Variants in GLI3 observed in about 807,000 individuals in gnomAD.
GLI3 encodes the protein transcription activator GLI3.
GLI3 carries 20 observed loss-of-function variants against 100.8 expected under a neutral mutation model. The ratio of observed to expected loss-of-function variants is 0.20; its 90% confidence interval spans 0.14 to 0.29. The LOEUF (loss-of-function observed/expected upper bound fraction) is 0.29, where lower values mean the gene tolerates loss of function less well. Among genes scored for constraint, GLI3 ranks in the 10% least tolerant of loss-of-function variants. The pLI, the probability that GLI3 is intolerant of heterozygous loss-of-function variation, is 1.00. For missense variants in GLI3, 2,040 were observed against 2,128.5 expected, an observed-to-expected ratio of 0.96 and a Z score of 0.82; for synonymous variants, 938 against 860.5, an observed-to-expected ratio of 1.09 and a Z score of -1.58.
upstream of GLI3, among the ~76,000 whole-genome samples, chr7:42,237,432 C>G (rs914787971): frequency 3.9e-5 from 6 of 152,126 alleles, no homozygotes; most frequent in Non-Finnish European, 8.8e-5. Flanking sequence ...GGTCCCATCC[C>G]GGCCTGGTGC....
At chr7:42,159,844 A>G (rs558413785) in intron 2 of GLI3, among the ~76,000 whole-genome samples, 16 of 152,336 alleles carry the variant, frequency 1.1e-4, no homozygotes, top group African/African-American at 3.8e-4. Flanking sequence ...TCATAACACA[A>G]ACCTCCACTT....
Position 41,966,016 on chromosome 7 carries a change from A to G in GLI3, c.3057T>C (p.Pro1019=). ...TGAGGCTGCTGAAGCGCGGCACACG[A>G]GGCAGGGCCAGGCCCTCGGAGCCTG... ...VRTGSEGLAL[P]RVPRFSSLSS... Residue 1019 remains proline, a synonymous_variant, in exon 15 of 15, where the codon CCT becomes CCC. Transcript: ENST00000395925. This position sits in a 1 kb window ranked among gnomAD's most constrained non-coding sequence, Gnocchi z 5.8. 1.3e-6 allele frequency: 2 copies of G among 1,596,736 alleles called. No homozygotes were observed. The highest frequency in any genetic ancestry group is 1.7e-6 in the Non-Finnish European group (2 of 1,177,634).
At chr7:42,053,230 C>T (rs1218895341) in intron 4 of GLI3, among the ~76,000 whole-genome samples, 1 of 152,212 alleles carries the variant, frequency 6.6e-6, no homozygotes, top group Non-Finnish European at 1.5e-5. Flanking sequence ...CTCCTGATCT[C>T]AGATGATCCG....
intron 3 of GLI3, among the ~76,000 whole-genome samples, chr7:42,101,773 T>G (rs991148992): frequency 3.3e-5 from 5 of 149,688 alleles, no homozygotes; most frequent in African/African-American, 1.3e-4. Context: ...ACCATGCTGG[T>G]GTGCTGCACC....
chr7:42,206,698 CTCTGTGTATA>C (rs1440384715), intron 2 of GLI3, among the ~76,000 whole-genome samples: 1 of 152,156 alleles, frequency 6.6e-6, no homozygotes, highest in Non-Finnish European at 1.5e-5. Context: ...ATAAAATGTA[CTCTGTGTATA>C]ACATCTGAAA....
chr7:42,075,978 AGAATAAAGGGT>A (rs1417586046), intron 4 of GLI3, among the ~76,000 whole-genome samples: 23 of 152,228 alleles, frequency 1.5e-4, no homozygotes, highest in Non-Finnish European at 2.6e-4. Context: ...TTACTGTCTC[AGAATAAAGGGT>A]GATTATTAGA....
chr7:42,045,289 G>C lies in GLI3; in HGVS notation c.826+95C>G, dbSNP rs953043710. On this transcript the variant is annotated intron_variant, in intron 6 of 14. Coordinates refer to ENST00000395925, the MANE Select transcript of GLI3 (RefSeq NM_000168.6). The stretch of plus-strand genomic sequence containing the variant: ...TCCACTTTCTCCTCCAGATCAAAAA[G>C]TTACACAATCACCTAATCTTTGTAT... 7 of 1,228,328 alleles carry C rather than the reference G, an allele frequency of 5.7e-6. No individual in the cohort carries two copies. The African/African-American group carries it at 1.0e-4, about 18-fold the overall frequency. 76.1% of individuals were successfully genotyped at this position (1,228,328 alleles called of 1,614,324 possible). A position where few individuals can be genotyped will look rare whatever the true frequency, so the allele number is the denominator to read the frequency against.
intron 2 of GLI3, among the ~76,000 whole-genome samples, chr7:42,156,079 A>G (rs1459923683): frequency 1.3e-5 from 2 of 152,170 alleles, no homozygotes; most frequent in Non-Finnish European, 2.9e-5. Context: ...GCAAGCACAA[A>G]CCCAAGGGTA....
In GLI3 at chr7:41,965,772, T is replaced by C. The variant is rs375942559; in HGVS notation, c.3301A>G (p.Asn1101Asp). Residue 1101 changes from asparagine to aspartate, a missense_variant, in exon 15 of 15, where the codon AAT becomes GAT. By Grantham distance (23) the Asn-to-Asp change is conservative. This residue lies in a region of GLI3 where 1,041 missense variants were observed against 924.0 expected (regional missense o/e 1.13). Coordinates refer to ENST00000395925, the MANE Select transcript of GLI3 (RefSeq NM_000168.6). Reference protein sequence around the residue: ...FLPDDVVQYLNSQNQAGYEQH... With the variant: ...FLPDDVVQYLDSQNQAGYEQH... ...TCGTACCCTGCTTGGTTCTGGGAATTTAAATACTGCACCACGTCGTCCGGC... is the reference window on the plus strand; with the variant it reads ...TCGTACCCTGCTTGGTTCTGGGAATCTAAATACTGCACCACGTCGTCCGGC... 6.2e-7 allele frequency: 1 copy of C among 1,613,200 alleles called. No individual in the cohort carries two copies. The highest frequency in any genetic ancestry group is 8.5e-7 in the Non-Finnish European group (1 of 1,179,928).
chr7:42,173,059 C>T (rs536715015), intron 2 of GLI3, among the ~76,000 whole-genome samples: 1 of 152,286 alleles, frequency 6.6e-6, no homozygotes, highest in African/African-American at 2.4e-5. Context: ...CCTTACTCTT[C>T]CCTGCAAGTC....
intron 2 of GLI3, among the ~76,000 whole-genome samples, chr7:42,182,666 A>ATATATACATGTGTG (rs1554337084): frequency 1.3e-4 from 10 of 79,144 alleles, no homozygotes; most frequent in African/African-American, 2.2e-4. Flanking sequence ...ATATATATAT[A>ATATATACATGTGTG]TATATATATA....
At chr7:42,065,492 CT>C (rs1784656445) in intron 4 of GLI3, among the ~76,000 whole-genome samples, 1 of 152,062 alleles carries the variant, frequency 6.6e-6, no homozygotes, top group African/African-American at 2.4e-5. Flanking sequence ...AATATTTACT[CT>C]TTGTTAATAG....
intron 10 of GLI3, among the ~76,000 whole-genome samples, chr7:42,014,453 T>C (rs971463668): frequency 1.8e-4 from 27 of 152,326 alleles, no homozygotes; most frequent in African/African-American, 2.9e-4. Context: ...CTCAGTCTTT[T>C]ATTATATTAG....
In GLI3 at chr7:41,965,547, TGGA is replaced by T. The variant is rs1176188528; in HGVS notation, c.3523_3525del (p.Ser1175del). ...GCGGGCCGCGGCCCACACTTGAGCT[TGGA>T]GGAGGACAGGTCGGCGCTTCCGGAG... On this transcript the variant is annotated inframe_deletion, in exon 15 of 15. Transcript: ENST00000395925. 4 of 1,605,118 alleles carry T rather than the reference TGGA, an allele frequency of 2.5e-6. No homozygotes were observed. The Admixed American group carries it at 5.0e-5, about 20-fold the overall frequency.
At chr7:42,094,135 T>C (rs1249449450) in intron 3 of GLI3, among the ~76,000 whole-genome samples, 1 of 152,172 alleles carries the variant, frequency 6.6e-6, no homozygotes, top group Non-Finnish European at 1.5e-5. Flanking sequence ...TCCCTTGCAC[T>C]GCCCGCCCTT....
At chr7:42,028,544 A>C (rs529347008) in intron 7 of GLI3, among the ~76,000 whole-genome samples, 103 of 152,260 alleles carry the variant, frequency 6.8e-4, no homozygotes, top group African/African-American at 2.5e-3. Flanking sequence ...CGGGTGGGTC[A>C]CCTGAGGTCA....
At chr7:42,033,704 C>T (rs1190903458) in intron 7 of GLI3, among the ~76,000 whole-genome samples, 1 of 152,188 alleles carries the variant, frequency 6.6e-6, no homozygotes, top group Non-Finnish European at 1.5e-5. Context: ...ACAACAGCTG[C>T]CATCCAAAGA....
At chr7:42,122,408 T>A (rs1786024143) in intron 3 of GLI3, among the ~76,000 whole-genome samples, 1 of 152,122 alleles carries the variant, frequency 6.6e-6, no homozygotes, top group Non-Finnish European at 1.5e-5. Flanking sequence ...GAAACTAGAC[T>A]GTTCTGTGCC....
Position 42,040,170 on chromosome 7 carries a change from A to G in GLI3, c.896T>C (p.Leu299Pro), listed in dbSNP as rs1284395680. The G allele has an allele frequency of 5.0e-6, 8 of 1,613,816 alleles. No homozygotes were observed. The South Asian group carries it at 8.8e-5, about 18-fold the overall frequency. The change falls in exon 7 of 15, where the codon CTC becomes CCC. Residue 299 changes from leucine (L) to proline (P), a missense_variant. Transcript: ENST00000395925. ...SRKRTLSISP[L>P]SDHSFDLQTM... Reference sequence around the variant, plus strand: ...CTGAAGGTCAAAGCTATGATCGGAGAGTGGTGATATGGACAGTGTACGTTT... The same window carrying G: ...CTGAAGGTCAAAGCTATGATCGGAGGGTGGTGATATGGACAGTGTACGTTT...
Sources: gnomAD v4.1 joint callset for allele counts (sites outside exome capture counted in the v4.1 genomes callset) on GRCh38, gnomAD v4.1.1 for gene constraint, gnomAD v4.1.1 regional missense constraint, Gnocchi (gnomAD v3.1) non-coding constraint, MANE v1.5 for transcripts, NCBI Gene and HGNC (gene_info 2026-07-23, HGNC 2026-07-21) for gene names.